Variants in EPN2 observed in about 807,000 individuals in gnomAD.
EPN2 encodes the protein epsin 2.
Under a neutral mutation model 61.7 loss-of-function variants are expected in EPN2, and 34 were observed. The ratio of observed to expected loss-of-function variants is 0.55; its 90% confidence interval spans 0.42 to 0.73. The LOEUF is 0.73. Ranked by LOEUF, EPN2 falls within the 30% of genes least tolerant of loss-of-function variation. EPN2 has a pLI of 0.00. For missense variants in EPN2, 714 were observed against 839.2 expected (o/e 0.85, Z 1.84); for synonymous variants, 349 against 353.6 (o/e 0.99, Z 0.15).
intron 1 of EPN2, among the ~76,000 whole-genome samples, chr17:19,280,905 A>G: frequency 6.6e-6 from 1 of 152,180 alleles, no homozygotes; most frequent in Middle Eastern, 3.2e-3. Context: ...AACCAGCTTC[A>G]AGTTGAGACC....
intron 1 of EPN2, chr17:19,249,414 G>A (rs1307490751): frequency 6.6e-6 from 1 of 152,204 alleles, no homozygotes; most frequent in Non-Finnish European, 1.5e-5. Context: ...GTTTCCCAAG[G>A]CCTCTGGGTA....
Position 19,333,985 on chromosome 17 carries a change from C to T in EPN2, c.1657C>T (p.Pro553Ser), listed in dbSNP as rs1374451315. 1 of 1,576,032 alleles carries T rather than the reference C, an allele frequency of 6.3e-7. No homozygotes were observed. Among genetic ancestry groups the T allele is most frequent in the Non-Finnish European group, 8.6e-7 (1 of 1,156,472 alleles). ...GAPATSAPVNPFQVNQPQPLT... is the reference protein window; with the variant it reads ...GAPATSAPVNSFQVNQPQPLT... ...TCCCGCCACCTCGGCCCCTGTTAAC[C>T]CTTTCCAGGTGAACCAGCCCCAGCC... Residue 553 changes from proline to serine, a missense_variant, in exon 11 of 11, where the codon CCT (proline) becomes TCT (serine). Coordinates refer to ENST00000314728, the MANE Select transcript of EPN2 (RefSeq NM_014964.5).
At chr17:19,307,919 C>T in intron 4 of EPN2, 1 of 985,364 alleles carries the variant, frequency 1.0e-6, no homozygotes, top group Non-Finnish European at 1.2e-6. Flanking sequence ...AGGAATTATT[C>T]CTAACCTTTT....
chr17:19,321,656 T>C (rs987469669), intron 7 of EPN2, among the ~76,000 whole-genome samples: 4 of 152,014 alleles, frequency 2.6e-5, no homozygotes, highest in Non-Finnish European at 4.4e-5. Flanking sequence ...GAGTGAGATA[T>C]TGTGCAGGGG....
chr17:19,288,336 T>C (rs184868544), intron 4 of EPN2, among the ~76,000 whole-genome samples: 1 of 152,358 alleles, frequency 6.6e-6, no homozygotes, highest in African/African-American at 2.4e-5. Context: ...CTTGCCCTCG[T>C]GGAGCTTATA....
In EPN2 at chr17:19,246,674, GC is replaced by G. The variant is rs912433913; in HGVS notation, c.-294+9151del. Among the ~76,000 whole-genome samples the G allele has an allele frequency of 3.3e-4, 47 of 144,240 alleles. No homozygotes were observed. The East Asian group carries it at 3.7e-3, about 11-fold the overall frequency. 94.6% of individuals were successfully genotyped at this position (144,240 alleles called of 152,430 possible). On this transcript the variant is annotated intron_variant, in intron 1 of 10. Coordinates refer to ENST00000314728, the MANE Select transcript of EPN2 (RefSeq NM_014964.5). The stretch of plus-strand genomic sequence containing the variant: ...AAAGTTGTATTAAAAGGCCCCTTCC[GC>G]CCCCCCCAAAAAAATATCCTAGCAA...
chr17:19,245,440 T>A (rs2044935018), intron 1 of EPN2, among the ~76,000 whole-genome samples: 1 of 148,540 alleles, frequency 6.7e-6, no homozygotes, highest in Non-Finnish European at 1.5e-5. Flanking sequence ...TTTTTTGAGT[T>A]GGAGTCTCTG....
At chr17:19,314,151 C>A (rs1161080976) in intron 7 of EPN2, among the ~76,000 whole-genome samples, 2 of 152,162 alleles carry the variant, frequency 1.3e-5, no homozygotes, top group South Asian at 2.1e-4. Context: ...CTGTGCATGA[C>A]CCCTGAGACA....
At chr17:19,329,002 C>G in intron 8 of EPN2, 115 bp downstream of exon 8, 1 of 939,224 alleles carries the variant, frequency 1.1e-6, no homozygotes, top group Non-Finnish European at 1.6e-6. Context: ...TGCTCCCCTC[C>G]TCCCCCTTAG....
At chr17:19,249,314 G>A (rs957311037) in intron 1 of EPN2, 1 of 152,278 alleles carries the variant, frequency 6.6e-6, no homozygotes, top group Non-Finnish European at 1.5e-5. Flanking sequence ...CTGGGAGGGA[G>A]AGGTTGGAGG....
At chr17:19,273,814 G>C (rs2045279677) in intron 1 of EPN2, among the ~76,000 whole-genome samples, 1 of 152,186 alleles carries the variant, frequency 6.6e-6, no homozygotes, top group African/African-American at 2.4e-5. Context: ...TTCTCTACGG[G>C]ATGAGCAACA....
At chr17:19,269,887 T>C (rs1358960970) in intron 1 of EPN2, among the ~76,000 whole-genome samples, 1 of 152,214 alleles carries the variant, frequency 6.6e-6, no homozygotes, top group Non-Finnish European at 1.5e-5. Context: ...ATGCCATCTT[T>C]TGGCCTCAAA....
chr17:19,313,133 T>C lies in EPN2; in HGVS notation c.1001T>C (p.Leu334Pro), dbSNP rs1328850317. The change falls in exon 7 of 11, where the codon CTG becomes CCG. Residue 334 changes from leucine to proline, a missense_variant. Leu to Pro is a moderately conservative substitution (Grantham distance 98, BLOSUM62 -3). Transcript: ENST00000314728. ...GGCTCTCTCCCACAGCAGACTACGCTGTTGGATTTAATGGATGCTCTCCCC... is the reference window on the plus strand; with the variant it reads ...GGCTCTCTCCCACAGCAGACTACGCCGTTGGATTTAATGGATGCTCTCCCC... The part of the protein sequence containing the change: ...EHGSLPQQTT[L>P]LDLMDALPSS... The C allele has an allele frequency of 1.9e-6, 3 of 1,613,766 alleles. No individual in the cohort carries two copies. In the South Asian group the frequency reaches 3.3e-5, roughly 18 times the overall value.
intron 3 of EPN2, among the ~76,000 whole-genome samples, chr17:19,284,710 A>T (rs139576890): frequency 1.3e-5 from 2 of 152,316 alleles, no homozygotes; most frequent in African/African-American, 4.8e-5. Context: ...CTGTTACCAG[A>T]CCATTTACTA....
chr17:19,259,863 T>C (rs181659301), intron 1 of EPN2, among the ~76,000 whole-genome samples: 60 of 152,348 alleles, frequency 3.9e-4, no homozygotes, highest in Admixed American at 1.2e-3. Context: ...GTATTCTGCC[T>C]TACTGCTTTG....
In EPN2 at chr17:19,285,978, A is replaced by G. The variant is rs2045401076; in HGVS notation, c.766+188A>G. ...TGTGGCCTGGTCGTGCTCCGCTTCC[A>G]GGATCACATGTCACTTGCTAGAAGT... On this transcript the variant is annotated intron_variant, in intron 4 of 10. Coordinates refer to ENST00000314728, the MANE Select transcript of EPN2 (RefSeq NM_014964.5). This position sits in a 1 kb window ranked among gnomAD's most constrained non-coding sequence, Gnocchi z 4.5. Among the ~76,000 whole-genome samples, 1 of 152,106 alleles carries G rather than the reference A, an allele frequency of 6.6e-6. No homozygotes were observed. Among genetic ancestry groups the G allele is most frequent in the Non-Finnish European group, 1.5e-5 (1 of 68,002 alleles).
intron 1 of EPN2, among the ~76,000 whole-genome samples, chr17:19,255,621 G>C (rs1411338004): frequency 7.3e-6 from 1 of 136,798 alleles, no homozygotes; most frequent in African/African-American, 2.8e-5. Context: ...ATGTTTGATA[G>C]ATTGGATTGA....
chr17:19,315,406 G>T (rs1484278400), intron 7 of EPN2, among the ~76,000 whole-genome samples: 1 of 152,176 alleles, frequency 6.6e-6, no homozygotes, highest in South Asian at 2.1e-4. Context: ...GGCTTGATGG[G>T]CTGCTGCTTC....
At chr17:19,287,193 C>T (rs1042216582) in intron 4 of EPN2, among the ~76,000 whole-genome samples, 3 of 152,020 alleles carry the variant, frequency 2.0e-5, no homozygotes, top group South Asian at 2.1e-4. Flanking sequence ...TCTGCACCTT[C>T]GCCTGTGCCA....
Sources: allele counts gnomAD v4.1 joint callset (sites outside exome capture counted in the v4.1 genomes callset), GRCh38; gene constraint gnomAD v4.1.1; non-coding constraint Gnocchi (gnomAD v3.1); transcripts MANE v1.5; gene names NCBI Gene and HGNC (gene_info 2026-07-23, HGNC 2026-07-21).